The following FNDC3B variants were observed in gnomAD, a reference collection of about 807,000 sequenced individuals.
FNDC3B encodes fibronectin type III domain containing 3B.
In FNDC3B, 12 loss-of-function variants were observed where a neutral mutation model predicts 151.5. The observed-to-expected ratio is 0.08, with a 90% CI of 0.05 to 0.13. FNDC3B has a LOEUF of 0.13. FNDC3B is among the 10% of genes least tolerant of loss of function. The probability of loss-of-function intolerance (pLI) is 1.00; values close to 1 mark genes in which losing one functional copy is unlikely to be tolerated. For synonymous variants in FNDC3B, 528 were observed against 549.0 expected (o/e 0.96, Z 0.54); for missense variants, 1,214 against 1,505.3 (o/e 0.81, Z 3.20).
At chr3:172,305,967 T>G (rs1576893589) in intron 9 of FNDC3B, among the ~76,000 whole-genome samples, 1 of 152,216 alleles carries the variant, frequency 6.6e-6, no homozygotes, top group African/African-American at 2.4e-5. Context: ...ATCCCAATGA[T>G]AAGCATTATT....
At chr3:172,319,080 G>A (rs1227753986) in intron 11 of FNDC3B, among the ~76,000 whole-genome samples, 5 of 152,202 alleles carry the variant, frequency 3.3e-5, no homozygotes, top group African/African-American at 9.7e-5. Flanking sequence ...TGATGAGGTT[G>A]TGTGTTTGGG....
intron 7 of FNDC3B, among the ~76,000 whole-genome samples, chr3:172,293,769 T>C (rs960277417): frequency 6.6e-6 from 1 of 152,220 alleles, no homozygotes; most frequent in African/African-American, 2.4e-5. Flanking sequence ...TAGTACGAAG[T>C]GATCTCCACT....
chr3:172,297,143 A>AT (rs951524641), intron 8 of FNDC3B, among the ~76,000 whole-genome samples: 3 of 152,002 alleles, frequency 2.0e-5, no homozygotes, highest in Non-Finnish European at 2.9e-5. Flanking sequence ...GATTCTTTGA[A>AT]TTTTTTTTCA....
intron 3 of FNDC3B, among the ~76,000 whole-genome samples, chr3:172,148,180 G>T (rs1473723740): frequency 1.3e-5 from 2 of 152,014 alleles, no homozygotes; most frequent in Non-Finnish European, 2.9e-5. Flanking sequence ...GATTGCCAGA[G>T]ATATCGTTAG....
chr3:172,280,027 A>G (rs566430757), intron 6 of FNDC3B, among the ~76,000 whole-genome samples: 1 of 152,010 alleles, frequency 6.6e-6, no homozygotes, highest in South Asian at 2.1e-4. Context: ...CGATCCTCCC[A>G]CCTCAGCCTC....
intron 22 of FNDC3B, among the ~76,000 whole-genome samples, chr3:172,356,494 G>A (rs1734102038): frequency 6.6e-6 from 1 of 152,146 alleles, no homozygotes. Context: ...CAGATTATAG[G>A]TAGAGATCTT....
At chr3:172,044,910 A>G (rs1200615736) in intron 1 of FNDC3B, among the ~76,000 whole-genome samples, 3 of 152,238 alleles carry the variant, frequency 2.0e-5, no homozygotes, top group Admixed American at 2.0e-4. Context: ...TGAAATCAGA[A>G]TATCTCCTCT....
intron 3 of FNDC3B, among the ~76,000 whole-genome samples, chr3:172,226,261 C>T (rs558271642): frequency 4.7e-5 from 7 of 148,776 alleles, no homozygotes; most frequent in South Asian, 2.1e-4. Context: ...GCCGAGATCG[C>T]GCCATTATAC....
chr3:172,377,260 GTC>G (rs1735198926), intron 23 of FNDC3B, among the ~76,000 whole-genome samples: 3 of 152,216 alleles, frequency 2.0e-5, no homozygotes, highest in Non-Finnish European at 4.4e-5. Context: ...TGGCCTGTCT[GTC>G]TAGGAACAAG....
At chr3:172,382,705 C>T (rs1172860895) in intron 25 of FNDC3B, among the ~76,000 whole-genome samples, 4 of 152,164 alleles carry the variant, frequency 2.6e-5, no homozygotes, top group Non-Finnish European at 5.9e-5. Flanking sequence ...GTTTTTCCAA[C>T]ACCATTTGTT....
chr3:172,383,420 TTAACC>T (rs1391310211), intron 25 of FNDC3B, among the ~76,000 whole-genome samples: 3 of 152,210 alleles, frequency 2.0e-5, no homozygotes, highest in Non-Finnish European at 2.9e-5. Context: ...AGAAGTAGTC[TTAACC>T]TAACTACTGA....
chr3:172,116,126 A>G (rs1720234096), intron 2 of FNDC3B, among the ~76,000 whole-genome samples: 1 of 152,202 alleles, frequency 6.6e-6, no homozygotes, highest in Non-Finnish European at 1.5e-5. Flanking sequence ...AAGAGTGAAA[A>G]GGATGATTAT....
At position 172,365,412 on chromosome 3, in the gene FNDC3B, T is replaced by C. The variant is rs534096321; in HGVS notation, c.3008+2567T>C. Among the ~76,000 whole-genome samples the C allele has an allele frequency of 2.6e-5, 4 of 152,330 alleles. No homozygotes were observed. In the East Asian group the frequency reaches 5.8e-4, roughly 22 times the overall value. On this transcript the variant is annotated intron_variant, in intron 23 of 25. Transcript: ENST00000415807. ...CCGCTTGTGGCCAAGGTGAGAACCA[T>C]AGATAGGCTTGTTATTTTACTTTTC...
At chr3:172,068,576 A>G (rs569365) in intron 1 of FNDC3B, among the ~76,000 whole-genome samples, 1 of 152,006 alleles carries the variant, frequency 6.6e-6, no homozygotes, top group African/African-American at 2.4e-5. Flanking sequence ...GGCTTAAGCC[A>G]CCACGCTCTG....
At chr3:172,250,563 T>C (rs1445760280) in intron 5 of FNDC3B, among the ~76,000 whole-genome samples, 1 of 152,234 alleles carries the variant, frequency 6.6e-6, no homozygotes, top group East Asian at 1.9e-4. Flanking sequence ...ACATGTTTAA[T>C]AGGGGTATTT....
intron 3 of FNDC3B, chr3:172,186,801 T>C: frequency 2.9e-6 from 2 of 694,676 alleles, no homozygotes; most frequent in East Asian, 5.4e-5. Context: ...TCATGATCTG[T>C]GTCATAGATA....
intron 3 of FNDC3B, chr3:172,225,670 A>T (rs1424399418): frequency 6.1e-6 from 1 of 164,876 alleles, no homozygotes; most frequent in East Asian, 1.5e-4. Context: ...AAGTCCCAAC[A>T]CAAGATGAAG....
intron 2 of FNDC3B, among the ~76,000 whole-genome samples, chr3:172,124,957 G>T (rs1355306760): frequency 6.6e-6 from 1 of 152,138 alleles, no homozygotes; most frequent in Non-Finnish European, 1.5e-5. Context: ...GAGAAAGGTT[G>T]AGTATTTGCA....
At chr3:172,340,304 T>TG (rs1486374586) in intron 16 of FNDC3B, among the ~76,000 whole-genome samples, 1 of 96,674 alleles carries the variant, frequency 1.0e-5, no homozygotes, top group East Asian at 3.3e-4. Flanking sequence ...TTTTTTTTTT[T>TG]TGAGAGAGTT....
Sources: gnomAD v4.1 joint callset for allele counts (sites outside exome capture counted in the v4.1 genomes callset) on GRCh38, gnomAD v4.1.1 for gene constraint, MANE v1.5 for transcripts, NCBI Gene and HGNC (gene_info 2026-07-23, HGNC 2026-07-21) for gene names.